Variants in FAM227B observed in about 807,000 individuals in gnomAD.
The protein encoded by FAM227B is family with sequence similarity 227 member B.
In FAM227B, 88 loss-of-function variants were observed where a neutral mutation model predicts 73.8. That is an observed-to-expected ratio of 1.19 (90% confidence interval 1.00 to 1.42). The LOEUF (loss-of-function observed/expected upper bound fraction) is 1.42, where lower values mean the gene tolerates loss of function less well. FAM227B is among the 40% of genes most tolerant of loss of function. The pLI is 0.00. For synonymous variants in FAM227B, 210 were observed against 190.5 expected, an observed-to-expected ratio of 1.10 and a Z score of -0.84; for missense variants, 632 against 590.9, an observed-to-expected ratio of 1.07 and a Z score of -0.72.
chr15:49,607,006 G>A (rs1440052140), intron 3 of FAM227B, among the ~76,000 whole-genome samples: 1 of 152,174 alleles, frequency 6.6e-6, no homozygotes, highest in Admixed American at 6.5e-5. Flanking sequence ...TGTGTAGGAT[G>A]AAACTCTGCA....
intron 11 of FAM227B, among the ~76,000 whole-genome samples, chr15:49,431,815 C>G (rs1269898188): frequency 6.6e-6 from 1 of 151,808 alleles, no homozygotes; most frequent in South Asian, 2.1e-4. Flanking sequence ...TATAGCCCCA[C>G]TAACTTTCTT....
At chr15:49,457,790 T>C (rs1433884573) in intron 11 of FAM227B, among the ~76,000 whole-genome samples, 4 of 151,944 alleles carry the variant, frequency 2.6e-5, no homozygotes, top group African/African-American at 7.2e-5. Flanking sequence ...ATACATTATA[T>C]TAGAGAATAG....
At chr15:49,441,013 C>A (rs2051586307) in intron 11 of FAM227B, among the ~76,000 whole-genome samples, 1 of 151,748 alleles carries the variant, frequency 6.6e-6, no homozygotes, top group Admixed American at 6.6e-5. Context: ...TTTTATCTTT[C>A]AAAGTGTAAA....
chr15:49,541,867 T>C (rs2071120480), intron 9 of FAM227B, 61 bp from the exon 10 acceptor site: 1 of 1,167,466 alleles, frequency 8.6e-7, no homozygotes, highest in South Asian at 3.4e-5. Flanking sequence ...ATATGTCAGC[T>C]GCCAAAGAAA....
chr15:49,405,083 A>G (rs1056735583), intron 11 of FAM227B, among the ~76,000 whole-genome samples: 4 of 151,886 alleles, frequency 2.6e-5, no homozygotes, highest in African/African-American at 9.7e-5. Flanking sequence ...TTGGCCCCCA[A>G]TCTCTTCTGG....
At chr15:49,358,742 A>C (rs1296883545) in intron 13 of FAM227B, among the ~76,000 whole-genome samples, 1 of 152,060 alleles carries the variant, frequency 6.6e-6, no homozygotes, top group Non-Finnish European at 1.5e-5. Flanking sequence ...AACTACTTTA[A>C]AGTTCATATG....
At chr15:49,413,230 C>T (rs1048218157) in intron 11 of FAM227B, among the ~76,000 whole-genome samples, 4 of 152,028 alleles carry the variant, frequency 2.6e-5, no homozygotes, top group African/African-American at 9.7e-5. Context: ...GGGGCAGTTG[C>T]CTCCATACTG....
intron 11 of FAM227B, among the ~76,000 whole-genome samples, chr15:49,474,660 G>T (rs35224895): frequency 0.052 from 7,968 of 152,166 alleles, 356 homozygotes; most frequent in East Asian, 0.23. Flanking sequence ...CTGGGGACCG[G>T]TACTGGTCCA....
In FAM227B at chr15:49,453,971, A is replaced by C. The variant is rs568572750; in HGVS notation, c.1012+54240T>G. On this transcript the variant is annotated intron_variant, in intron 11 of 15. Transcript: ENST00000299338. The stretch of plus-strand genomic sequence containing the variant: ...CAAGTCCTACTATTCTATCACTTGA[A>C]ATGTGATAGAACATTTTAATATTCT... Among the ~76,000 whole-genome samples the C allele has an allele frequency of 8.9e-4, 136 of 152,270 alleles. 5 individuals are homozygous for C. The South Asian group carries it at 0.027, about 30-fold the overall frequency.
intron 11 of FAM227B, among the ~76,000 whole-genome samples, chr15:49,502,176 C>A (rs532096915): frequency 6.6e-6 from 1 of 152,324 alleles, no homozygotes; most frequent in East Asian, 1.9e-4. Flanking sequence ...AGGATAAGAG[C>A]CCCCACACAG....
chr15:49,476,232 G>GTTTTTTTTTTTTTTTTTTTTTTT lies in FAM227B; in HGVS notation c.1012+31978_1012+31979insAAAAAAAAAAAAAAAAAAAAAAA. Among the ~76,000 whole-genome samples the GTTTTTTTTTTTTTTTTTTTTTTT allele has an allele frequency of 1.2e-3, 68 of 57,434 alleles. 11 individuals are homozygous for GTTTTTTTTTTTTTTTTTTTTTTT. The highest frequency in any genetic ancestry group is 1.7e-3 in the South Asian group (3 of 1,816). The allele number at this position is 57,434 out of a possible 152,430, so 37.7% of individuals were successfully genotyped here. A position where few individuals can be genotyped will look rare whatever the true frequency, so the allele number is the denominator to read the frequency against. Reference sequence around the variant, plus strand: ...TTGCTGTTTTGTTTTTTTGTTTTTGGTTTTTTTTTTTTTGCATTTGGCATA... The same window carrying GTTTTTTTTTTTTTTTTTTTTTTT: ...TTGCTGTTTTGTTTTTTTGTTTTTGGTTTTTTTTTTTTTTTTTTTTTTTTTTTTTTTTTTTTGCATTTGGCATA... On this transcript the variant is annotated intron_variant, in intron 11 of 15. Coordinates refer to ENST00000299338, the MANE Select transcript of FAM227B (RefSeq NM_152647.3).
chr15:49,364,880 A>G (rs2044862394), intron 13 of FAM227B, among the ~76,000 whole-genome samples: 1 of 152,064 alleles, frequency 6.6e-6, no homozygotes, highest in East Asian at 1.9e-4. Flanking sequence ...AATATACTCT[A>G]TGTAATACAT....
At chr15:49,619,778 A>G (rs2078552002) in intron 1 of FAM227B, among the ~76,000 whole-genome samples, 1 of 152,222 alleles carries the variant, frequency 6.6e-6, no homozygotes, top group African/African-American at 2.4e-5. Context: ...TTCTTGGCTT[A>G]TAGACTTTGC....
chr15:49,534,623 T>G (rs59299754), intron 10 of FAM227B, among the ~76,000 whole-genome samples: 1 of 151,488 alleles, frequency 6.6e-6, no homozygotes. Context: ...ATATACAGAC[T>G]ATTCCATCCA....
chr15:49,427,048 C>T (rs2151762299), intron 11 of FAM227B, among the ~76,000 whole-genome samples: 1 of 151,864 alleles, frequency 6.6e-6, no homozygotes, highest in East Asian at 1.9e-4. Context: ...GAGGGAAATG[C>T]TACAATGAAG....
intron 11 of FAM227B, among the ~76,000 whole-genome samples, chr15:49,422,022 G>C (rs2049677477): frequency 6.6e-6 from 1 of 152,042 alleles, no homozygotes; most frequent in Non-Finnish European, 1.5e-5. Flanking sequence ...CAGATACAAA[G>C]AGAAATCACA....
intron 11 of FAM227B, among the ~76,000 whole-genome samples, chr15:49,461,604 C>A (rs927498299): frequency 6.6e-6 from 1 of 152,144 alleles, no homozygotes; most frequent in Non-Finnish European, 1.5e-5. Flanking sequence ...TTAATCCCTG[C>A]AAATACTGGC....
intron 10 of FAM227B, among the ~76,000 whole-genome samples, chr15:49,537,109 TAATC>T (rs1202637369): frequency 1.3e-5 from 2 of 151,786 alleles, no homozygotes; most frequent in African/African-American, 4.8e-5. Context: ...TCAAAGAAAA[TAATC>T]AACAAAATGA....
chr15:49,585,495 T>C (rs1239336012), intron 5 of FAM227B, among the ~76,000 whole-genome samples: 1 of 152,184 alleles, frequency 6.6e-6, no homozygotes, highest in Non-Finnish European at 1.5e-5. Context: ...ATATACACCA[T>C]GGAATACTAT....
Sources: allele counts gnomAD v4.1 joint callset (sites outside exome capture counted in the v4.1 genomes callset), GRCh38; gene constraint gnomAD v4.1.1; transcripts MANE v1.5; gene names NCBI Gene and HGNC (gene_info 2026-07-23, HGNC 2026-07-21).